The following SACS variants were observed in gnomAD, a reference collection of about 807,000 sequenced individuals.
The protein encoded by SACS is sacsin molecular chaperone.
SACS carries 197 observed loss-of-function variants against 348.0 expected under a neutral mutation model. The observed-to-expected ratio is 0.57, with a 90% CI of 0.50 to 0.64. The LOEUF is 0.64. Among genes scored for constraint, SACS ranks in the 30% least tolerant of loss-of-function variants. The probability of loss-of-function intolerance (pLI) is 0.00; values close to 1 mark genes in which losing one functional copy is unlikely to be tolerated. For missense variants in SACS, 4,999 were observed against 5,360.8 expected (o/e 0.93, Z 2.11); for synonymous variants, 1,985 against 1,910.6 (o/e 1.04, Z -1.02).
rs147403919 is a variant in SACS, at chr13:23,416,696, G to T, written c.-501-4956C>A. On this transcript the variant is annotated intron_variant, in intron 1 of 9. Transcript: ENST00000382292. ...TGCTTGAGCCCGGGAGGCAGAGGTT[G>T]CAGTGAGCCAAGATCGCGCCATTGC... is the stretch of plus-strand genomic sequence containing the variant. 6.7e-3 allele frequency among the ~76,000 whole-genome samples: 1,016 copies of T among 151,546 alleles called. 14 individuals are homozygous for T. Among genetic ancestry groups the T allele is most frequent in the African/African-American group, 0.021 (855 of 41,208 alleles).
rs1871675891 is a variant in SACS at position 23,375,206 on chromosome 13, G to A, written c.84C>T (p.Ser28=). 2.0e-6 allele frequency: 3 copies of A among 1,501,398 alleles called. No individual in the cohort carries two copies. Among genetic ancestry groups the A allele is most frequent in the Non-Finnish European group, 2.7e-6 (3 of 1,124,780 alleles). 93.0% of individuals were successfully genotyped at this position (1,501,398 alleles called of 1,614,324 possible). ...GTTCCTTCACATCGCGCACGGTCCA[G>A]GACGCCAGCGCCGCGACGGTCCTGC... ...VGCRTVAALA[S]WTVRDVKERI... The change falls in exon 3 of 10, where the codon TCC becomes TCT. Residue 28 remains serine, a synonymous_variant. Transcript: ENST00000382292.
At chr13:23,429,448 C>T (rs552207523) in intron 1 of SACS, among the ~76,000 whole-genome samples, 5 of 147,062 alleles carry the variant, frequency 3.4e-5, no homozygotes, top group South Asian at 2.2e-4. Flanking sequence ...CTGCAAGCTC[C>T]GCCTCCCGGG....
chr13:23,417,715 A>G (rs1873740135), intron 1 of SACS, among the ~76,000 whole-genome samples: 2 of 152,182 alleles, frequency 1.3e-5, no homozygotes, highest in Admixed American at 6.5e-5. Context: ...CTTCAGGGTA[A>G]ATAAGAATTC....
At chr13:23,412,915 A>T (rs1378457372) in intron 1 of SACS, among the ~76,000 whole-genome samples, 3 of 152,208 alleles carry the variant, frequency 2.0e-5, no homozygotes, top group Non-Finnish European at 2.9e-5. Flanking sequence ...TTTAATTTTT[A>T]TTTTTTAGGG....
rs755344095 is a variant in SACS at position 23,375,298 on chromosome 13, G to A, written c.21-29C>T. On this transcript the variant is annotated intron_variant, in intron 2 of 9. Transcript: ENST00000382292. ...TGGAAAGCAGAGGGACGCTCAGTCGGGCTGCGGCTGCCACCCGCCCGCCCA... is the reference window on the plus strand; with the variant it reads ...TGGAAAGCAGAGGGACGCTCAGTCGAGCTGCGGCTGCCACCCGCCCGCCCA... 7.9e-6 allele frequency: 11 copies of A among 1,397,338 alleles called. No homozygotes were observed. In the South Asian group the frequency reaches 1.8e-4, roughly 23 times the overall value. The allele number at this position is 1,397,338 out of a possible 1,614,324, so 86.6% of individuals were successfully genotyped here.
chr13:23,375,471 T>A, intron 2 of SACS: 1 of 1,164,950 alleles, frequency 8.6e-7, no homozygotes. Context: ...GGGATCCGCA[T>A]GGCGCAGTCC....
chr13:23,428,015 C>T (rs746348023), intron 1 of SACS: 1 of 152,236 alleles, frequency 6.6e-6, no homozygotes, highest in Non-Finnish European at 1.5e-5. Flanking sequence ...TCAGTGCTGC[C>T]GTGTTCACAG....
At chr13:23,424,336 G>A (rs1178252369) in intron 1 of SACS, among the ~76,000 whole-genome samples, 2 of 152,038 alleles carry the variant, frequency 1.3e-5, no homozygotes, top group African/African-American at 4.8e-5. Flanking sequence ...GAGCAGCCTG[G>A]CTAACATGGA....
chr13:23,331,634 T>C lies in SACS; in HGVS notation c.12242A>G (p.Asn4081Ser), dbSNP rs1060503432. 6.2e-7 allele frequency: 1 copy of C among 1,613,956 alleles called. No homozygotes were observed. The change falls in exon 10 of 10, where the codon AAT (asparagine) becomes AGT (serine). Residue 4081 changes from asparagine to serine, a missense_variant. This residue lies in a region of SACS where 831 missense variants were observed against 941.8 expected (regional missense o/e 0.88). Transcript: ENST00000382292. Reference protein sequence around the residue: ...ETFAFLKRFGNAVILLYIQHS... With the variant: ...ETFAFLKRFGSAVILLYIQHS... ...TTGAATGTAGAGCAAGATGACTGCA[T>C]TACCAAATCGCTTCAAAAAAGCAAA...
rs749633223 is a variant in SACS at position 23,336,555 on chromosome 13, G to A, written c.7321C>T (p.Gln2441Ter). Reference protein sequence around the residue: ...GIWSLIREKKQEFCEKNYGKI... With the variant: ...GIWSLIREKK ...CCATAATTTTTCTCACAAAATTCTTGTTTCTTTTCTCTAATGAGACTCCAT... is the reference window on the plus strand; with the variant it reads ...CCATAATTTTTCTCACAAAATTCTTATTTCTTTTCTCTAATGAGACTCCAT... Residue 2441 changes from glutamine to a stop codon, truncating the protein, a stop_gained, in exon 10 of 10, where the codon CAA becomes TAA. Coordinates refer to ENST00000382292, the MANE Select transcript of SACS (RefSeq NM_014363.6). LOFTEE classifies it high-confidence loss of function. 3 of 1,613,706 alleles carry A rather than the reference G, an allele frequency of 1.9e-6. No homozygotes were observed. Among genetic ancestry groups the A allele is most frequent in the Non-Finnish European group, 2.5e-6 (3 of 1,179,814 alleles).
Position 23,338,262 on chromosome 13 carries a change from A to C in SACS, c.5614T>G (p.Cys1872Gly). The change falls in exon 10 of 10, where the codon TGC (cysteine) becomes GGC (glycine). Residue 1872 changes from cysteine to glycine, a missense_variant. Cys to Gly is a radical substitution (Grantham distance 159). This residue lies in a region of SACS where 3,156 missense variants were observed against 3,380.1 expected (regional missense o/e 0.93). Transcript: ENST00000382292. ...TVKPHIGEVF[C>G]YLPLRIKTGL... ...GTTTTTATTCGTAAAGGTAAATAGCAAAACACCTCTCCAATGTGTGGTTTC... is the reference window on the plus strand; with the variant it reads ...GTTTTTATTCGTAAAGGTAAATAGCCAAACACCTCTCCAATGTGTGGTTTC... 6.2e-7 allele frequency: 1 copy of C among 1,614,158 alleles called. No individual in the cohort carries two copies. Among genetic ancestry groups the C allele is most frequent in the South Asian group, 1.1e-5 (1 of 91,084 alleles).
At chr13:23,387,866 T>C in intron 2 of SACS, among the ~76,000 whole-genome samples, 1 of 152,096 alleles carries the variant, frequency 6.6e-6, no homozygotes, top group South Asian at 2.1e-4. Flanking sequence ...TGTGTAATCA[T>C]CAGAGAAATG....
At chr13:23,430,657 A>T (rs1486442739) in intron 1 of SACS, among the ~76,000 whole-genome samples, 1 of 152,228 alleles carries the variant, frequency 6.6e-6, no homozygotes, top group Admixed American at 6.5e-5. Context: ...TGAGGTAAGG[A>T]TTTAAATGAT....
At chr13:23,368,700 GTT>G (rs2137801447) in intron 4 of SACS, among the ~76,000 whole-genome samples, 1 of 152,182 alleles carries the variant, frequency 6.6e-6, no homozygotes, top group African/African-American at 2.4e-5. Flanking sequence ...GTTTTGTTTT[GTT>G]TTGTTTTGTT....
rs1232238460 is a variant in SACS at position 23,375,595 on chromosome 13, G to T, written c.21-326C>A. 3 of 1,010,866 alleles carry T rather than the reference G, an allele frequency of 3.0e-6. No homozygotes were observed. In the South Asian group the frequency reaches 1.4e-4, roughly 47 times the overall value. The allele number at this position is 1,010,866 out of a possible 1,614,324, so 62.6% of individuals were successfully genotyped here. ...GCCCACTCCCGGCCCTGCAGGCGCC[G>T]CCCGCGGGGACACGCCCACCCGCCG... On this transcript the variant is annotated intron_variant, in intron 2 of 9. Coordinates refer to ENST00000382292, the MANE Select transcript of SACS (RefSeq NM_014363.6).
chr13:23,422,691 C>T (rs574290903), intron 1 of SACS, among the ~76,000 whole-genome samples: 2 of 150,128 alleles, frequency 1.3e-5, no homozygotes, highest in African/African-American at 4.9e-5. Context: ...CGGAGTCTCA[C>T]TCTGTCGCCC....
chr13:23,407,005 G>T (rs1402597858), intron 2 of SACS, among the ~76,000 whole-genome samples: 1 of 152,076 alleles, frequency 6.6e-6, no homozygotes, highest in Non-Finnish European at 1.5e-5. Flanking sequence ...TCCACACTCT[G>T]CTCCAGGAAA....
intron 3 of SACS, among the ~76,000 whole-genome samples, chr13:23,372,498 A>T (rs1871456291): frequency 6.6e-6 from 1 of 152,176 alleles, no homozygotes; most frequent in Non-Finnish European, 1.5e-5. Context: ...GAGACTTTAG[A>T]ATTGGTTAGA....
In SACS at chr13:23,338,456, T is replaced by A; in HGVS notation, c.5420A>T (p.Glu1807Val). The A allele has an allele frequency of 1.2e-6, 2 of 1,614,168 alleles. No homozygotes were observed. The highest frequency in any genetic ancestry group is 1.7e-6 in the Non-Finnish European group (2 of 1,180,016). ...KSGQSKKPSD[E>V]LSQKTVECTT... is the part of the protein sequence containing the mutation. ...ACACTCTACTGTTTTCTGTGACAAC[T>A]CATCTGATGGCTTTTTTGATTGGCC... is the stretch of plus-strand genomic sequence containing the variant. Residue 1807 changes from glutamate to valine, a missense_variant, in exon 10 of 10, where the codon GAG (glutamate) becomes GTG (valine). Glu to Val is a moderately radical substitution (Grantham distance 121). This residue lies in a region of SACS where 3,156 missense variants were observed against 3,380.1 expected (regional missense o/e 0.93). Coordinates refer to ENST00000382292, the MANE Select transcript of SACS (RefSeq NM_014363.6).
Sources: gnomAD v4.1 joint callset for allele counts (sites outside exome capture counted in the v4.1 genomes callset) on GRCh38, gnomAD v4.1.1 for gene constraint, gnomAD v4.1.1 regional missense constraint, MANE v1.5 for transcripts, NCBI Gene and HGNC (gene_info 2026-07-23, HGNC 2026-07-21) for gene names.